SMG7: variants seen among roughly 807,000 people sequenced by gnomAD.
SMG7 encodes the protein SMG7 nonsense mediated mRNA decay factor, also known as nonsense-mediated mRNA decay factor SMG7.
In SMG7, 34 loss-of-function variants were observed where a neutral mutation model predicts 148.2. The observed-to-expected ratio is 0.23, with a 90% CI of 0.17 to 0.31. The LOEUF is 0.31. Among genes scored for constraint, SMG7 ranks in the 10% least tolerant of loss-of-function variants. SMG7 has a pLI of 1.00. For missense variants in SMG7, 1,114 were observed against 1,408.4 expected (o/e 0.79, Z 3.35); for synonymous variants, 492 against 515.1 (o/e 0.96, Z 0.61).
chr1:183,507,498 A>G (rs1264569501), intron 1 of SMG7, among the ~76,000 whole-genome samples: 2 of 152,156 alleles, frequency 1.3e-5, no homozygotes, highest in Non-Finnish European at 2.9e-5. Context: ...GCTACTTACT[A>G]TGACCTTAAC....
intron 18 of SMG7, 98 bp downstream of exon 18, chr1:183,547,350 G>A: frequency 8.6e-7 from 1 of 1,167,574 alleles, no homozygotes; most frequent in Non-Finnish European, 1.2e-6. Context: ...TCTTCCTGGG[G>A]CTGTCCTTTT....
Position 183,553,098 on chromosome 1 carries a change from C to T in SMG7, c.*1167C>T, listed in dbSNP as rs995872457. ...CTGCCCAGCTGCAGTCTCCCAGCCTCCACTTTCAGAGTGAAATTCAAGGCA... is the reference window on the plus strand; with the variant it reads ...CTGCCCAGCTGCAGTCTCCCAGCCTTCACTTTCAGAGTGAAATTCAAGGCA... On this transcript the variant is annotated 3_prime_UTR_variant, in exon 23 of 23. Coordinates refer to ENST00000688051, the MANE Select transcript of SMG7 (RefSeq NM_001375584.1). The T allele has an allele frequency of 3.3e-6, 5 of 1,536,292 alleles. No individual in the cohort carries two copies. Among genetic ancestry groups the T allele is most frequent in the Non-Finnish European group, 4.4e-6 (5 of 1,146,920 alleles).
chr1:183,476,164 A>G (rs1257603385), intron 1 of SMG7, among the ~76,000 whole-genome samples: 1 of 152,222 alleles, frequency 6.6e-6, no homozygotes, highest in Non-Finnish European at 1.5e-5. Flanking sequence ...GGGAAGCATT[A>G]TGTTCACGTT....
chr1:183,487,308 T>G (rs1274247224), intron 1 of SMG7, among the ~76,000 whole-genome samples: 2 of 152,180 alleles, frequency 1.3e-5, no homozygotes, highest in African/African-American at 2.4e-5. Flanking sequence ...TTACTCTATA[T>G]TCTACTTCCC....
At chr1:183,549,098 T>C in intron 18 of SMG7, 110 bp from the exon 19 acceptor site, 3 of 743,152 alleles carry the variant, frequency 4.0e-6, no homozygotes, top group South Asian at 1.7e-5. Context: ...CAAATTGTAC[T>C]CAGTGGGCGA....
In SMG7 at chr1:183,547,193, C is replaced by G. The variant is rs933052936; in HGVS notation, c.2833C>G (p.Pro945Ala). 3 of 1,550,362 alleles carry G rather than the reference C, an allele frequency of 1.9e-6. No individual in the cohort carries two copies. The highest frequency in any genetic ancestry group is 1.7e-6 in the Non-Finnish European group (2 of 1,146,938). Residue 945 changes from proline to alanine, a missense_variant, in exon 18 of 23, where the codon CCT becomes GCT. Around this residue, in one of 4 missense-constraint regions of SMG7, gnomAD observed 788 missense variants for 894.5 expected, o/e 0.88. Transcript: ENST00000688051. ...GGAAGAGCTGATTTTTTCTAACCCT[C>G]CTGATCTTTACCCGGCTCTGCTGGG... ...EEEELIFSNP[P>A]DLYPALLGPL...
chr1:183,543,006 T>G (rs1367371172), intron 14 of SMG7, among the ~76,000 whole-genome samples: 2 of 151,494 alleles, frequency 1.3e-5, no homozygotes, highest in Admixed American at 1.3e-4. Context: ...ACTTTTTTAT[T>G]GACAATTATA....
intron 10 of SMG7, among the ~76,000 whole-genome samples, chr1:183,534,230 C>T (rs900972746): frequency 1.3e-5 from 2 of 152,066 alleles, no homozygotes; most frequent in South Asian, 2.1e-4. Context: ...TTGATGTTGC[C>T]TTACAGTAAC....
intron 2 of SMG7, chr1:183,513,108 A>C: frequency 4.9e-6 from 2 of 406,868 alleles, no homozygotes; most frequent in Non-Finnish European, 8.6e-6. Context: ...TACCTAATTT[A>C]GTTTATATAA....
Position 183,552,067 on chromosome 1 carries a change from C to T in SMG7, c.*136C>T, listed in dbSNP as rs997526601. On this transcript the variant is annotated 3_prime_UTR_variant, in exon 23 of 23. Coordinates refer to ENST00000688051, the MANE Select transcript of SMG7 (RefSeq NM_001375584.1). ...CTGTCAAGAGGGTGTAAGTATTCCA[C>T]CAGCCCGCTGAGTGTGCACGAAATG... 1 of 1,350,514 alleles carries T rather than the reference C, an allele frequency of 7.4e-7. No individual in the cohort carries two copies. Among genetic ancestry groups the T allele is most frequent in the Non-Finnish European group, 9.6e-7 (1 of 1,038,906 alleles). The allele number at this position is 1,350,514 out of a possible 1,614,324, so 83.7% of individuals were successfully genotyped here.
intron 1 of SMG7, among the ~76,000 whole-genome samples, chr1:183,488,653 A>T (rs1656110482): frequency 6.6e-6 from 1 of 151,080 alleles, no homozygotes; most frequent in South Asian, 2.1e-4. Flanking sequence ...TACAAGAGTC[A>T]ATCCAGGAAA....
At chr1:183,484,361 T>A (rs1218261395) in intron 1 of SMG7, among the ~76,000 whole-genome samples, 50 of 84,280 alleles carry the variant, frequency 5.9e-4, no homozygotes, top group African/African-American at 1.2e-3. Context: ...TGAAAAAAAA[T>A]TTTTTTTTTT....
chr1:183,546,123 A>G lies in SMG7; in HGVS notation c.2528A>G (p.Gln843Arg), dbSNP rs1376093837. ...PSLQPPVMQQQPLEKKMKPFP... is the reference protein window; with the variant it reads ...PSLQPPVMQQRPLEKKMKPFP... ...TTGCAACCTCCTGTAATGCAGCAGC[A>G]GCCTCTAGAAAAAAAAATGAAGCCT... The change falls in exon 17 of 23, where the codon CAG (glutamine) becomes CGG (arginine). Residue 843 changes from glutamine to arginine, a missense_variant. Physicochemically the swap from Gln to Arg is conservative, Grantham distance 43. This residue lies in a region of SMG7 where 788 missense variants were observed against 894.5 expected (regional missense o/e 0.88). Transcript: ENST00000688051. 5.0e-6 allele frequency: 8 copies of G among 1,613,986 alleles called. No individual in the cohort carries two copies. The highest frequency in any genetic ancestry group is 5.9e-6 in the Non-Finnish European group (7 of 1,179,958).
At chr1:183,475,174 A>G (rs1032065391) in intron 1 of SMG7, among the ~76,000 whole-genome samples, 2 of 152,214 alleles carry the variant, frequency 1.3e-5, no homozygotes, top group South Asian at 2.1e-4. Flanking sequence ...TTCCACAAAT[A>G]TAAGTTGAGA....
At chr1:183,492,827 C>T (rs1657396961) in intron 1 of SMG7, among the ~76,000 whole-genome samples, 1 of 152,058 alleles carries the variant, frequency 6.6e-6, no homozygotes, top group African/African-American at 2.4e-5. Context: ...TTAACATAAG[C>T]ATATAAAGCT....
At chr1:183,513,827 C>T (rs528545043) in intron 2 of SMG7, among the ~76,000 whole-genome samples, 3 of 151,916 alleles carry the variant, frequency 2.0e-5, no homozygotes, top group Admixed American at 1.3e-4. Flanking sequence ...GCCAAGAGTT[C>T]GAGACCAGTC....
At chr1:183,495,107 G>A (rs557610544) in intron 1 of SMG7, among the ~76,000 whole-genome samples, 11 of 152,100 alleles carry the variant, frequency 7.2e-5, no homozygotes, top group African/African-American at 1.4e-4. Context: ...GATTACAGGC[G>A]TGAGCCACCG....
chr1:183,537,708 G>T (rs1668045110), intron 11 of SMG7, among the ~76,000 whole-genome samples: 1 of 152,170 alleles, frequency 6.6e-6, no homozygotes, highest in Non-Finnish European at 1.5e-5. Context: ...TTGAAATTTA[G>T]TATTATATTG....
intron 8 of SMG7, among the ~76,000 whole-genome samples, chr1:183,529,978 A>G (rs1003889282): frequency 2.0e-5 from 3 of 152,172 alleles, no homozygotes; most frequent in Admixed American, 6.5e-5. Flanking sequence ...TAACAGGGAT[A>G]TATTTTACTA....
Sources: gnomAD v4.1 joint callset for allele counts (sites outside exome capture counted in the v4.1 genomes callset) on GRCh38, gnomAD v4.1.1 for gene constraint, gnomAD v4.1.1 regional missense constraint, MANE v1.5 for transcripts, NCBI Gene and HGNC (gene_info 2026-07-23, HGNC 2026-07-21) for gene names.